KIFC3: variants seen among roughly 807,000 people sequenced by gnomAD.
The protein encoded by KIFC3 is kinesin family member C3.
KIFC3 carries 60 observed loss-of-function variants against 101.8 expected under a neutral mutation model. The ratio of observed to expected loss-of-function variants is 0.59; its 90% CI spans 0.48 to 0.73. The LOEUF is 0.73. KIFC3 is among the 30% of genes least tolerant of loss of function. The probability of loss-of-function intolerance (pLI) is 0.00; values close to 1 mark genes in which losing one functional copy is unlikely to be tolerated. For missense variants in KIFC3, 966 were observed against 1,137.1 expected, an observed-to-expected ratio of 0.85 and a Z score of 2.16; for synonymous variants, 476 against 482.7, an observed-to-expected ratio of 0.99 and a Z score of 0.18.
chr16:57,770,415 G>A (rs576414281), intron 7 of KIFC3, 112 bp downstream of exon 7: 482 of 985,072 alleles, frequency 4.9e-4, no homozygotes, highest in Non-Finnish European at 6.3e-4. Context: ...TCGGGGAGAG[G>A]AGGGACTGGA....
intron 1 of KIFC3, among the ~76,000 whole-genome samples, chr16:57,852,932 A>G (rs1399378124): frequency 6.6e-6 from 1 of 151,298 alleles, no homozygotes; most frequent in Non-Finnish European, 1.5e-5. Context: ...TCTTTTTTGT[A>G]TAGAAGACAT....
At chr16:57,770,101 T>G (rs534020426) in intron 7 of KIFC3, 146 bp from the exon 8 acceptor site, 1 of 1,022,060 alleles carries the variant, frequency 9.8e-7, no homozygotes, top group African/African-American at 1.6e-5. Context: ...CAGAATGGCC[T>G]TGTCTCCCTC....
chr16:57,830,198 A>G (rs1441186640), intron 1 of KIFC3, among the ~76,000 whole-genome samples: 1 of 146,984 alleles, frequency 6.8e-6, no homozygotes, highest in African/African-American at 2.5e-5. Flanking sequence ...TGAAAAAGTG[A>G]CCTTACCTCT....
intron 16 of KIFC3, 37 bp downstream of exon 16, chr16:57,760,689 T>C (rs1555595559): frequency 1.9e-6 from 3 of 1,546,962 alleles, no homozygotes; most frequent in Non-Finnish European, 2.7e-6. Flanking sequence ...AGCCCCTACA[T>C]GCTAGGGACT....
intron 3 of KIFC3, among the ~76,000 whole-genome samples, chr16:57,787,905 CAGAA>C (rs1353374764): frequency 6.6e-6 from 1 of 152,220 alleles, no homozygotes; most frequent in African/African-American, 2.4e-5. Flanking sequence ...AGGAAGATGA[CAGAA>C]AGGCCAGCTC....
At chr16:57,767,685 A>AAGGCTGGG (rs1490976525) in intron 9 of KIFC3, among the ~76,000 whole-genome samples, 33 of 152,158 alleles carry the variant, frequency 2.2e-4, no homozygotes, top group African/African-American at 7.2e-4. Flanking sequence ...CCCAGGCTGG[A>AAGGCTGGG]AGTGCAATCA....
chr16:57,787,761 G>A (rs888007913), intron 3 of KIFC3, among the ~76,000 whole-genome samples: 5 of 152,158 alleles, frequency 3.3e-5, no homozygotes, highest in African/African-American at 7.2e-5. Flanking sequence ...CCTGCCACTC[G>A]CTGCAGAGGA....
rs1194036499 is a variant in KIFC3 at position 57,794,907 on chromosome 16, G to C, written c.315+92C>G. On this transcript the variant is annotated intron_variant, in intron 3 of 19. Coordinates refer to ENST00000445690, the MANE Select transcript of KIFC3 (RefSeq NM_001130100.2). ...CGAGGTGGGTCCCCGGCTCTCCCCA[G>C]GTGCTTCCTACCCCCAGAAGCCTGG... 3.2e-6 allele frequency: 4 copies of C among 1,257,676 alleles called. No homozygotes were observed. The African/African-American group carries it at 4.7e-5, about 15-fold the overall frequency. 77.9% of individuals were successfully genotyped at this position (1,257,676 alleles called of 1,614,324 possible). A position where few individuals can be genotyped will look rare whatever the true frequency, so the allele number is the denominator to read the frequency against.
intron 1 of KIFC3, among the ~76,000 whole-genome samples, chr16:57,847,624 T>C (rs1278496386): frequency 3.3e-5 from 5 of 152,076 alleles, no homozygotes; most frequent in Non-Finnish European, 5.9e-5. Context: ...AATTTTCTGT[T>C]ATAAGCAGGG....
Position 57,850,806 on chromosome 16 carries a change from G to A in KIFC3, c.108+11923C>T, listed in dbSNP as rs112086332. ...AATGGGTCTTTTTCATACATTGTAC[G>A]GAGTTCTCCGCAGGCCCTTCCAGTG... On this transcript the variant is annotated intron_variant, in intron 1 of 2. Coordinates refer to the KIFC3 transcript ENST00000563028. 1.4e-4 allele frequency among the ~76,000 whole-genome samples: 22 copies of A among 152,112 alleles called. No homozygotes were observed. The East Asian group carries it at 3.5e-3, about 24-fold the overall frequency.
In KIFC3 at chr16:57,812,562, C is replaced by T. The variant is rs192529829; in HGVS notation, c.109-14280G>A. ...TGGGGCCCTGGCCTTTGGTGCTTGCCTTCCTCAGAGCGGAAAGAGCCATGA... is the reference window on the plus strand; with the variant it reads ...TGGGGCCCTGGCCTTTGGTGCTTGCTTTCCTCAGAGCGGAAAGAGCCATGA... On this transcript the variant is annotated intron_variant, in intron 1 of 2. Transcript: ENST00000563028. 2.3e-3 allele frequency among the ~76,000 whole-genome samples: 348 copies of T among 152,268 alleles called. 1 individual carries two copies. The highest frequency in any genetic ancestry group is 8.0e-3 in the African/African-American group (334 of 41,532).
chr16:57,763,394 G>A (rs1031319579), intron 12 of KIFC3, among the ~76,000 whole-genome samples: 1 of 152,036 alleles, frequency 6.6e-6, no homozygotes, highest in Admixed American at 6.5e-5. Context: ...CCAGAATCGA[G>A]GGAACAGCAG....
At chr16:57,764,270 G>A in intron 11 of KIFC3, 23 bp from the exon 12 acceptor site, 2 of 1,341,558 alleles carry the variant, frequency 1.5e-6, no homozygotes, top group Non-Finnish European at 2.1e-6. Context: ...TGGGAGGGAG[G>A]CTGGTGGGGG....
chr16:57,835,127 A>G (rs938285462), intron 1 of KIFC3, among the ~76,000 whole-genome samples: 7 of 152,202 alleles, frequency 4.6e-5, no homozygotes, highest in Admixed American at 2.0e-4. Flanking sequence ...TTCTAGGTAC[A>G]GTCATGGGAG....
chr16:57,770,619 G>T lies in KIFC3; in HGVS notation c.847C>A (p.Gln283Lys). Residue 283 changes from glutamine (Q) to lysine (K), a missense_variant, in exon 7 of 20, where the codon CAG becomes AAG. Coordinates refer to ENST00000445690, the MANE Select transcript of KIFC3 (RefSeq NM_001130100.2). ...SESQARNQHL[Q>K]EQVAMQRQVL... ...TGCCTCTGCATAGCCACCTGCTCCT[G>T]CAGGTGCTGGTTCCGGGCCTGGGAC... is the stretch of plus-strand genomic sequence containing the variant. The T allele has an allele frequency of 6.5e-7, 1 of 1,547,802 alleles. No individual in the cohort carries two copies. The highest frequency in any genetic ancestry group is 8.7e-7 in the Non-Finnish European group (1 of 1,145,688).
chr16:57,851,086 C>T (rs775809452), intron 1 of KIFC3, among the ~76,000 whole-genome samples: 1 of 151,976 alleles, frequency 6.6e-6, no homozygotes, highest in Non-Finnish European at 1.5e-5. Context: ...TCACCGCTCA[C>T]TGCAGCCTCA....
intron 1 of KIFC3, among the ~76,000 whole-genome samples, chr16:57,829,568 T>C (rs1006511581): frequency 1.4e-4 from 21 of 152,170 alleles, no homozygotes; most frequent in African/African-American, 5.1e-4. Flanking sequence ...AATCTATTTT[T>C]TAAATGTTCT....
intron 1 of KIFC3, among the ~76,000 whole-genome samples, chr16:57,860,545 T>C (rs1293329450): frequency 6.6e-6 from 1 of 152,110 alleles, no homozygotes; most frequent in East Asian, 1.9e-4. Flanking sequence ...TACCAGAAAA[T>C]GGGTCTTGTC....
Position 57,790,725 on chromosome 16 carries a change from A to T in KIFC3, c.315+4274T>A, listed in dbSNP as rs530604636. ...GCCAAGTCCCCAGAAGGTGCCTGGC[A>T]CATAGTGAGGGCTTGATATGAGGTA... On this transcript the variant is annotated intron_variant, in intron 3 of 19. Coordinates refer to ENST00000445690, the MANE Select transcript of KIFC3 (RefSeq NM_001130100.2). Among the ~76,000 whole-genome samples the T allele has an allele frequency of 8.4e-4, 128 of 152,362 alleles. 1 individual carries two copies. The highest frequency in any genetic ancestry group is 3.0e-3 in the African/African-American group (125 of 41,586).
Sources: allele counts gnomAD v4.1 joint callset (sites outside exome capture counted in the v4.1 genomes callset), GRCh38; gene constraint gnomAD v4.1.1; transcripts MANE v1.5; gene names NCBI Gene and HGNC (gene_info 2026-07-23, HGNC 2026-07-21).